Variants in RALGPS1 observed in about 807,000 individuals in gnomAD.
RALGPS1 encodes the protein Ral GEF with PH domain and SH3 binding motif 1.
RALGPS1 carries 19 observed loss-of-function variants against 78.8 expected under a neutral mutation model. The ratio of observed to expected loss-of-function variants is 0.24; its 90% CI spans 0.17 to 0.35. RALGPS1 has a LOEUF of 0.35. RALGPS1 is among the 10% of genes least tolerant of loss of function. RALGPS1 has a pLI of 1.00. For missense variants in RALGPS1, 454 were observed against 688.3 expected, an observed-to-expected ratio of 0.66 and a Z score of 3.81; for synonymous variants, 228 against 256.3, an observed-to-expected ratio of 0.89 and a Z score of 1.06.
chr9:126,918,668 C>T (rs1443113582), intron 1 of RALGPS1, among the ~76,000 whole-genome samples: 14 of 146,882 alleles, frequency 9.5e-5, no homozygotes, highest in Admixed American at 6.8e-4. Context: ...AAAAATCACA[C>T]ATGGATTTTT....
intron 1 of RALGPS1, among the ~76,000 whole-genome samples, chr9:126,931,395 A>G (rs561496552): frequency 1.3e-5 from 2 of 152,364 alleles, no homozygotes; most frequent in East Asian, 3.8e-4. Context: ...ATGAACAGAT[A>G]AACCAAATGT....
At chr9:127,063,607 T>G (rs1161271219) in intron 7 of RALGPS1, among the ~76,000 whole-genome samples, 2 of 152,182 alleles carry the variant, frequency 1.3e-5, no homozygotes, top group African/African-American at 4.8e-5. Context: ...TGGTTTGTTT[T>G]TTAACATGCC....
intron 8 of RALGPS1, among the ~76,000 whole-genome samples, chr9:127,143,199 A>G (rs2057897501): frequency 6.6e-6 from 1 of 152,160 alleles, no homozygotes; most frequent in Non-Finnish European, 1.5e-5. Flanking sequence ...TTTTAGAATT[A>G]TTTCCTCAGA....
At chr9:127,050,702 T>C (rs913149021) in intron 6 of RALGPS1, among the ~76,000 whole-genome samples, 2 of 152,042 alleles carry the variant, frequency 1.3e-5, no homozygotes, top group African/African-American at 4.8e-5. Flanking sequence ...CCCTTATCTC[T>C]AGGAATGCTA....
chr9:127,047,000 A>AAC (rs1014995089), intron 5 of RALGPS1, among the ~76,000 whole-genome samples: 7 of 151,978 alleles, frequency 4.6e-5, no homozygotes, highest in Non-Finnish European at 7.4e-5. Flanking sequence ...AAAAAAAAAA[A>AAC]AACTGATAGT....
intron 14 of RALGPS1, among the ~76,000 whole-genome samples, chr9:127,208,950 C>T (rs2062085729): frequency 1.3e-5 from 2 of 152,318 alleles, no homozygotes; most frequent in East Asian, 3.9e-4. Flanking sequence ...ATCACATTCT[C>T]CTCAGGTAGC....
chr9:127,096,425 G>A (rs761514195), intron 8 of RALGPS1, among the ~76,000 whole-genome samples: 4 of 152,208 alleles, frequency 2.6e-5, no homozygotes, highest in Non-Finnish European at 5.9e-5. Flanking sequence ...CACTGAGAGC[G>A]AGCAGCCCAG....
At chr9:127,055,204 A>ATCTGTCTGTCTGTCTG (rs1450620790) in intron 7 of RALGPS1, among the ~76,000 whole-genome samples, 1 of 105,512 alleles carries the variant, frequency 9.5e-6, no homozygotes, top group African/African-American at 3.2e-5. Context: ...TGCTTTTTCT[A>ATCTGTCTGTCTGTCTG]TCTATCTATC....
At chr9:126,976,204 C>CT (rs1241259261) in intron 3 of RALGPS1, among the ~76,000 whole-genome samples, 1 of 152,114 alleles carries the variant, frequency 6.6e-6, no homozygotes, top group Non-Finnish European at 1.5e-5. Flanking sequence ...CCCTTATTTG[C>CT]TAGCTTATGT....
intron 1 of RALGPS1, among the ~76,000 whole-genome samples, chr9:126,928,409 C>A (rs1207100733): frequency 2.0e-5 from 3 of 151,972 alleles, no homozygotes; most frequent in Non-Finnish European, 4.4e-5. Flanking sequence ...GCTGAGAAAC[C>A]CAAATGCTGG....
At chr9:127,052,025 T>C (rs1000045052) in intron 6 of RALGPS1, among the ~76,000 whole-genome samples, 5 of 152,194 alleles carry the variant, frequency 3.3e-5, no homozygotes, top group Non-Finnish European at 7.3e-5. Flanking sequence ...GCAGTTGATA[T>C]GTACTGTCTC....
At chr9:127,112,450 A>G (rs2054929682) in intron 8 of RALGPS1, among the ~76,000 whole-genome samples, 1 of 152,242 alleles carries the variant, frequency 6.6e-6, no homozygotes, top group Non-Finnish European at 1.5e-5. Flanking sequence ...GCAGGGCTCC[A>G]CTGTGGCCAA....
chr9:127,202,783 T>C (rs1295608742), intron 14 of RALGPS1, among the ~76,000 whole-genome samples: 1 of 152,164 alleles, frequency 6.6e-6, no homozygotes, highest in Non-Finnish European at 1.5e-5. Context: ...CTCTTCTCTG[T>C]GACTCCACCT....
At chr9:127,190,305 A>C (rs1260621444) in intron 11 of RALGPS1, among the ~76,000 whole-genome samples, 1 of 152,164 alleles carries the variant, frequency 6.6e-6, no homozygotes, top group Non-Finnish European at 1.5e-5. Context: ...TCTCCACTTA[A>C]CATAAGTTTT....
At position 127,183,968 on chromosome 9, in the gene RALGPS1, C is replaced by G; in HGVS notation, c.910+9186C>G. 1 of 1,550,290 alleles carries G rather than the reference C, an allele frequency of 6.5e-7. No homozygotes were observed. Among genetic ancestry groups the G allele is most frequent in the Non-Finnish European group, 8.7e-7 (1 of 1,146,946 alleles). ...TGCCTGGATGTGGCCCAGCTCCTCA[C>G]GAGTACCAGCGGCTCCCCCAGCATC... is the stretch of plus-strand genomic sequence containing the variant. On this transcript the variant is annotated intron_variant, in intron 11 of 18. Transcript: ENST00000259351. This position sits in a 1 kb window ranked among gnomAD's most constrained non-coding sequence, Gnocchi z 4.0.
chr9:127,212,185 G>A lies in RALGPS1; in HGVS notation c.1302G>A (p.Met434Ile). Reference protein sequence around the residue: ...SLGNSAAVPTMEGPLRRKTLL... With the variant: ...SLGNSAAVPTIEGPLRRKTLL... ...GGAACTCCGCAGCTGTGCCCACCAT[G>A]GAGGGGCCTCTGAGAAGAAAAACCC... Residue 434 changes from methionine to isoleucine, a missense_variant, in exon 15 of 19, where the codon ATG becomes ATA. By Grantham distance (10) the Met-to-Ile change is conservative. Coordinates refer to ENST00000259351, the MANE Select transcript of RALGPS1 (RefSeq NM_014636.3). This position sits in a 1 kb window ranked among gnomAD's most constrained non-coding sequence, Gnocchi z 6.0. 1 of 1,613,956 alleles carries A rather than the reference G, an allele frequency of 6.2e-7. No individual in the cohort carries two copies. Among genetic ancestry groups the A allele is most frequent in the East Asian group, 2.2e-5 (1 of 44,884 alleles).
chr9:127,095,963 G>C (rs1300891568), intron 8 of RALGPS1, among the ~76,000 whole-genome samples: 1 of 152,138 alleles, frequency 6.6e-6, no homozygotes, highest in African/African-American at 2.4e-5. Context: ...ATTGGTTTGG[G>C]TGCTGACACT....
At chr9:126,963,334 T>C (rs1449218266) in intron 2 of RALGPS1, among the ~76,000 whole-genome samples, 2 of 152,216 alleles carry the variant, frequency 1.3e-5, no homozygotes, top group African/African-American at 4.8e-5. Flanking sequence ...CTGGTCTGTA[T>C]GTGTATATAT....
chr9:127,212,090 A>C lies in RALGPS1; in HGVS notation c.1248-41A>C. The C allele has an allele frequency of 6.5e-7, 1 of 1,533,458 alleles. No homozygotes were observed. The highest frequency in any genetic ancestry group is 8.9e-7 in the Non-Finnish European group (1 of 1,124,830). The allele number at this position is 1,533,458 out of a possible 1,614,324, so 95.0% of individuals were successfully genotyped here. On this transcript the variant is annotated intron_variant, in intron 14 of 18. Coordinates refer to ENST00000259351, the MANE Select transcript of RALGPS1 (RefSeq NM_014636.3). This position sits in a 1 kb window ranked among gnomAD's most constrained non-coding sequence, Gnocchi z 6.0. ...AGTGAGTGAGAGGGTGCTTGACCTC[A>C]GCTCCTCCAGGGCGATGTCTGACTG... is the stretch of plus-strand genomic sequence containing the variant.
Sources: allele counts gnomAD v4.1 joint callset (sites outside exome capture counted in the v4.1 genomes callset), GRCh38; gene constraint gnomAD v4.1.1; non-coding constraint Gnocchi (gnomAD v3.1); transcripts MANE v1.5; gene names NCBI Gene and HGNC (gene_info 2026-07-23, HGNC 2026-07-21).